ZNF772: variants seen among roughly 807,000 people sequenced by gnomAD.
ZNF772 encodes the protein zinc finger protein 772.
ZNF772 carries 8 observed loss-of-function variants against 11.0 expected under a neutral mutation model. The ratio of observed to expected loss-of-function variants is 0.73; its 90% CI spans 0.43 to 1.31. ZNF772 has a LOEUF of 1.31. Ranked by LOEUF, ZNF772 falls within the 50% of genes most tolerant of loss-of-function variation. The probability of loss-of-function intolerance (pLI) is 0.01; values close to 1 mark genes in which losing one functional copy is unlikely to be tolerated. For missense variants in ZNF772, 496 were observed against 552.3 expected, an observed-to-expected ratio of 0.90 and a Z score of 1.02; for synonymous variants, 155 against 180.4, an observed-to-expected ratio of 0.86 and a Z score of 1.13.
At chr19:57,474,985 C>G in intron 3 of ZNF772, 1 of 1,613,422 alleles carries the variant, frequency 6.2e-7, no homozygotes. Flanking sequence ...TGATATGAAC[C>G]CAGCCCTGAC....
intron 1 of ZNF772, 34 bp downstream of exon 1, chr19:57,477,243 G>C (rs747901325): frequency 1.2e-6 from 2 of 1,612,900 alleles, no homozygotes; most frequent in Non-Finnish European, 1.7e-6. Context: ...CAGAGATGGG[G>C]GTCAGCGCGC....
At chr19:57,476,177 T>C (rs2089281626) in intron 2 of ZNF772, among the ~76,000 whole-genome samples, 1 of 152,208 alleles carries the variant, frequency 6.6e-6, no homozygotes, top group Non-Finnish European at 1.5e-5. Flanking sequence ...TGGATCACAG[T>C]TATCTCACAA....
chr19:57,473,830 C>T lies in ZNF772; in HGVS notation c.791G>A (p.Arg264His), dbSNP rs199665856. 7.6e-5 allele frequency: 123 copies of T among 1,611,070 alleles called. No individual in the cohort carries two copies. Among genetic ancestry groups the T allele is most frequent in the East Asian group, 2.5e-4 (11 of 44,590 alleles). Residue 264 changes from arginine (R) to histidine (H), a missense_variant, in exon 4 of 4, where the codon CGC becomes CAC. Transcript: ENST00000356584. ...ECGECGKTFS[R>H]KPILAQHQRI... ...CTGGTGCTGAGCAAGTATGGGTTTG[C>T]GGCTAAAGGTTTTCCCACATTCACC...
At position 57,470,804 on chromosome 19, in the gene ZNF772, A is replaced by G. The variant is rs1393629149; in HGVS notation, c.*2470T>C. 2 of 152,204 alleles carry G rather than the reference A, an allele frequency of 1.3e-5. No homozygotes were observed. The highest frequency in any genetic ancestry group is 2.9e-5 in the Non-Finnish European group (2 of 68,028). 9.4% of individuals were successfully genotyped at this position (152,204 alleles called of 1,614,324 possible). A position where few individuals can be genotyped will look rare whatever the true frequency, so the allele number is the denominator to read the frequency against. On this transcript the variant is annotated 3_prime_UTR_variant, in exon 4 of 4. Coordinates refer to ENST00000356584, the MANE Select transcript of ZNF772 (RefSeq NM_001144068.2). ...ATAAAACAGAAAAACTCCTTGAAAGACACAAACCATCAAAGCTCACTCTAG... is the reference window on the plus strand; with the variant it reads ...ATAAAACAGAAAAACTCCTTGAAAGGCACAAACCATCAAAGCTCACTCTAG...
intron 1 of ZNF772, 112 bp from the exon 2 acceptor site, chr19:57,476,784 A>G (rs2089289524): frequency 8.7e-6 from 8 of 921,182 alleles, no homozygotes; most frequent in Non-Finnish European, 1.1e-5. Flanking sequence ...CTGAATGTCT[A>G]CCCTCTGTGC....
At position 57,471,593 on chromosome 19, in the gene ZNF772, A is replaced by T. The variant is rs2089215171; in HGVS notation, c.*1681T>A. On this transcript the variant is annotated 3_prime_UTR_variant, in exon 4 of 4. Transcript: ENST00000356584. The stretch of plus-strand genomic sequence containing the variant: ...TTCTCTTCCACTTTTAACCAGGATT[A>T]GCTAGGGTTACTTATGAAATATAGC... 6.6e-6 allele frequency: 1 copy of T among 152,376 alleles called. No individual in the cohort carries two copies. Among genetic ancestry groups the T allele is most frequent in the South Asian group, 2.1e-4 (1 of 4,830 alleles). The allele number at this position is 152,376 out of a possible 1,614,324, so 9.4% of individuals were successfully genotyped here.
rs1303564121 is a variant in ZNF772, at chr19:57,473,385, A to G, written c.1236T>C (p.His412=). The part of the protein sequence containing the change: ...FSHKHVLVQH[H]RIHTGERPYK... ...ATGGCCTTTCTCCAGTGTGAATTCT[A>G]TGATGCTGAACAAGTACATGTTTGT... The change falls in exon 4 of 4, where the codon CAT becomes CAC. Residue 412 remains histidine (H), a synonymous_variant. Transcript: ENST00000356584. The G allele has an allele frequency of 1.9e-6, 3 of 1,608,260 alleles. No homozygotes were observed. Among genetic ancestry groups the G allele is most frequent in the Admixed American group, 1.7e-5 (1 of 59,378 alleles).
Position 57,472,234 on chromosome 19 carries a change from C to T in ZNF772, c.*1040G>A, listed in dbSNP as rs1600116893. Reference sequence around the variant, plus strand: ...GTTTCTGCACCAACTATGATTCCTACCTGGGCCTTCTGGAGGACAGCCAAT... The same window carrying T: ...GTTTCTGCACCAACTATGATTCCTATCTGGGCCTTCTGGAGGACAGCCAAT... On this transcript the variant is annotated 3_prime_UTR_variant, in exon 4 of 4. Coordinates refer to ENST00000356584, the MANE Select transcript of ZNF772 (RefSeq NM_001144068.2). 2.2e-6 allele frequency: 1 copy of T among 453,078 alleles called. No individual in the cohort carries two copies. The highest frequency in any genetic ancestry group is 4.4e-6 in the Non-Finnish European group (1 of 225,760). 28.1% of individuals were successfully genotyped at this position (453,078 alleles called of 1,614,324 possible).
In ZNF772 at chr19:57,473,505, C is replaced by T; in HGVS notation, c.1116G>A (p.Lys372=). The change falls in exon 4 of 4, where the codon AAG becomes AAA. Residue 372 remains lysine (K), a synonymous_variant. Transcript: ENST00000356584. ...ARPYECIACG[K]FFSQSSDLIA... is the part of the protein sequence containing the mutation. ...TAAGGTCAGAGCTTTGGCTAAAGAA[C>T]TTCCCACATGCGATGCACTCATAAG... 1 of 1,614,168 alleles carries T rather than the reference C, an allele frequency of 6.2e-7. No homozygotes were observed. The highest frequency in any genetic ancestry group is 8.5e-7 in the Non-Finnish European group (1 of 1,180,036).
At position 57,474,439 on chromosome 19, in the gene ZNF772, CTGG is replaced by C; in HGVS notation, c.200-21_200-19del. On this transcript the variant is annotated intron_variant, in intron 3 of 3. Coordinates refer to ENST00000356584, the MANE Select transcript of ZNF772 (RefSeq NM_001144068.2). The stretch of plus-strand genomic sequence containing the variant: ...CCAACAACCTGAAAGCAGAGAAATG[CTGG>C]TGAAGTACAAATTGACACAGGTGGA... The C allele has an allele frequency of 6.3e-7, 1 of 1,590,378 alleles. No individual in the cohort carries two copies. Among genetic ancestry groups the C allele is most frequent in the Non-Finnish European group, 8.5e-7 (1 of 1,171,386 alleles).
rs566873695 is a variant in ZNF772 at position 57,477,505 on chromosome 19, A to G, written c.-196T>C. 3.6e-6 allele frequency: 2 copies of G among 551,326 alleles called. No individual in the cohort carries two copies. The highest frequency in any genetic ancestry group is 3.6e-5 in the Admixed American group (1 of 27,434). 34.2% of individuals were successfully genotyped at this position (551,326 alleles called of 1,614,324 possible). ...GGTCTGACATTGCGTTCTGGAAACTAAACCAGTGGATTAATGGAAAAGCAA... is the reference window on the plus strand; with the variant it reads ...GGTCTGACATTGCGTTCTGGAAACTGAACCAGTGGATTAATGGAAAAGCAA... On this transcript the variant is annotated 5_prime_UTR_variant, in exon 1 of 4. Coordinates refer to ENST00000356584, the MANE Select transcript of ZNF772 (RefSeq NM_001144068.2).
At position 57,475,172 on chromosome 19, in the gene ZNF772, G is replaced by T. The variant is rs2089268459; in HGVS notation, c.199+488C>A. 6.2e-7 allele frequency: 1 copy of T among 1,613,448 alleles called. No homozygotes were observed. Among genetic ancestry groups the T allele is most frequent in the South Asian group, 1.1e-5 (1 of 91,054 alleles). On this transcript the variant is annotated intron_variant, in intron 3 of 3. Transcript: ENST00000356584. This position sits in a 1 kb window ranked among gnomAD's most constrained non-coding sequence, Gnocchi z 4.2. ...CTAAGGGAAAGATAGAACAGCACTG[G>T]TCTGGGTAACCCATATAGAAAACTA... is the stretch of plus-strand genomic sequence containing the variant.
At position 57,475,606 on chromosome 19, in the gene ZNF772, A is replaced by C; in HGVS notation, c.199+54T>G. ...GGAAGGACAAAGATGCCCTGAAAAA[A>C]AGGGGAAGGGCAGGACCCAGTCCAA... On this transcript the variant is annotated intron_variant, in intron 3 of 3. Coordinates refer to ENST00000356584, the MANE Select transcript of ZNF772 (RefSeq NM_001144068.2). This position sits in a 1 kb window ranked among gnomAD's most constrained non-coding sequence, Gnocchi z 4.2. 1 of 1,612,174 alleles carries C rather than the reference A, an allele frequency of 6.2e-7. No individual in the cohort carries two copies.
Position 57,474,096 on chromosome 19 carries a change from T to C in ZNF772, c.525A>G (p.Gln175=), listed in dbSNP as rs764777071. 3.1e-6 allele frequency: 5 copies of C among 1,614,158 alleles called. No homozygotes were observed. Among genetic ancestry groups the C allele is most frequent in the East Asian group, 4.5e-5 (2 of 44,886 alleles). Reference sequence around the variant, plus strand: ...CTGTCACAAAAGACATCTCCATTGATTGCACAGCACAGTTGTTCAGAAGAA... The same window carrying C: ...CTGTCACAAAAGACATCTCCATTGACTGCACAGCACAGTTGTTCAGAAGAA... ...RPFLLNNCAV[Q]SMEMSFVTGE... Residue 175 remains glutamine, a synonymous_variant, in exon 4 of 4, where the codon CAA becomes CAG. Coordinates refer to ENST00000356584, the MANE Select transcript of ZNF772 (RefSeq NM_001144068.2).
rs1157174196 is a variant in ZNF772, at chr19:57,474,216, C to A, written c.405G>T (p.Leu135=). 22 of 1,614,088 alleles carry A rather than the reference C, an allele frequency of 1.4e-5. No homozygotes were observed. The highest frequency in any genetic ancestry group is 1.6e-4 in the Middle Eastern group (1 of 6,080). The change falls in exon 4 of 4, where the codon CTG becomes CTT. Residue 135 remains leucine (L), a synonymous_variant. Coordinates refer to ENST00000356584, the MANE Select transcript of ZNF772 (RefSeq NM_001144068.2). ...CACTGAAGCAGAACTGTTTCCCACA[C>A]AGCACACACATGTATGGTTTCTGCC... is the stretch of plus-strand genomic sequence containing the variant. ...HPGQKPYMCV[L]CGKQFCFSAN...
intron 2 of ZNF772, 115 bp downstream of exon 2, chr19:57,476,519 C>T (rs755825741): frequency 8.3e-6 from 11 of 1,330,976 alleles, no homozygotes; most frequent in Non-Finnish European, 1.2e-5. Context: ...TCTCCAGAGT[C>T]CTCAGACCCA....
rs1299308828 is a variant in ZNF772 at position 57,476,679 on chromosome 19, G to A, written c.34-7C>T. On this transcript the variant is annotated splice_polypyrimidine_tract_variant and splice_region_variant and intron_variant, in intron 1 of 3. Transcript: ENST00000356584. ...CTTCTGAGTTCATGGGAACCTGTGG[G>A]GAAGAGGGAGACTATGCGAGTCAAG... The A allele has an allele frequency of 2.5e-6, 4 of 1,589,882 alleles. No homozygotes were observed. In the South Asian group the frequency reaches 3.4e-5, roughly 14 times the overall value.
rs1435174138 is a variant in ZNF772, at chr19:57,472,316, A to C, written c.*958T>G. The C allele has an allele frequency of 2.7e-6, 1 of 371,482 alleles. No homozygotes were observed. Among genetic ancestry groups the C allele is most frequent in the Non-Finnish European group, 5.3e-6 (1 of 189,746 alleles). The allele number at this position is 371,482 out of a possible 1,614,324, so 23.0% of individuals were successfully genotyped here. A position where few individuals can be genotyped will look rare whatever the true frequency, so the allele number is the denominator to read the frequency against. On this transcript the variant is annotated 3_prime_UTR_variant, in exon 4 of 4. Transcript: ENST00000356584. ...GATCTTGACATGTCCACTGAGTTCAAATTCTCCTCAAGAAGCCTTGGGAAT... is the reference window on the plus strand; with the variant it reads ...GATCTTGACATGTCCACTGAGTTCACATTCTCCTCAAGAAGCCTTGGGAAT...
In ZNF772 at chr19:57,472,436, C is replaced by A; in HGVS notation, c.*838G>T. 3.8e-6 allele frequency: 1 copy of A among 260,804 alleles called. No homozygotes were observed. Among genetic ancestry groups the A allele is most frequent in the African/African-American group, 2.3e-5 (1 of 43,734 alleles). The allele number at this position is 260,804 out of a possible 1,614,324, so 16.2% of individuals were successfully genotyped here. On this transcript the variant is annotated 3_prime_UTR_variant, in exon 4 of 4. Transcript: ENST00000356584. ...AAATGCCCACTGCTTAGGGTGACCT[C>A]AATTACACAAAAAATCTTAACATAT... is the stretch of plus-strand genomic sequence containing the variant.
Sources: allele counts gnomAD v4.1 joint callset (sites outside exome capture counted in the v4.1 genomes callset), GRCh38; gene constraint gnomAD v4.1.1; non-coding constraint Gnocchi (gnomAD v3.1); transcripts MANE v1.5; gene names NCBI Gene and HGNC (gene_info 2026-07-23, HGNC 2026-07-21).